Variants in GKAP1 observed in about 807,000 individuals in gnomAD.
The protein encoded by GKAP1 is G kinase anchoring protein 1.
Under a neutral mutation model 56.7 loss-of-function variants are expected in GKAP1, and 31 were observed. That is an observed-to-expected ratio of 0.55 (90% CI 0.41 to 0.74). GKAP1 has a LOEUF of 0.74. GKAP1 is among the 30% of genes least tolerant of loss of function. The pLI, the probability that GKAP1 is intolerant of heterozygous loss-of-function variation, is 0.00. For missense variants in GKAP1, 364 were observed against 402.3 expected (o/e 0.90, Z 0.82); for synonymous variants, 151 against 138.6 (o/e 1.09, Z -0.63).
At chr9:83,739,895 T>C (rs2287373) in intron 12 of GKAP1, 151 bp from the exon 13 acceptor site, 331,583 of 571,470 alleles carry the variant, frequency 0.58, 98,494 homozygotes, top group Admixed American at 0.72. Flanking sequence ...CTACATACTG[T>C]TACATTATTT....
intron 7 of GKAP1, among the ~76,000 whole-genome samples, chr9:83,773,011 A>T (rs1489597309): frequency 6.6e-6 from 1 of 152,190 alleles, no homozygotes; most frequent in Non-Finnish European, 1.5e-5. Flanking sequence ...TTTGAAAAAC[A>T]ATTTGACAGA....
At chr9:83,746,224 C>G (rs1943291059) in intron 10 of GKAP1, among the ~76,000 whole-genome samples, 1 of 152,188 alleles carries the variant, frequency 6.6e-6, no homozygotes, top group South Asian at 2.1e-4. Flanking sequence ...TGTTTGACAA[C>G]TATTTTGTAA....
chr9:83,813,895 G>A (rs1944545835), intron 2 of GKAP1, among the ~76,000 whole-genome samples: 1 of 152,162 alleles, frequency 6.6e-6, no homozygotes, highest in African/African-American at 2.4e-5. Context: ...GAGCCCAGGA[G>A]TTCAAGATCA....
rs1944103693 is a variant in GKAP1, at chr9:83,788,629, C to T, written c.410G>A (p.Ser137Asn). 1 of 1,601,444 alleles carries T rather than the reference C, an allele frequency of 6.2e-7. No homozygotes were observed. Among genetic ancestry groups the T allele is most frequent in the Non-Finnish European group, 8.5e-7 (1 of 1,172,862 alleles). Residue 137 changes from serine to asparagine, a missense_variant, in exon 5 of 13, where the codon AGT becomes AAT. Physicochemically the swap from Ser to Asn is conservative, Grantham distance 46. Transcript: ENST00000376371. ...EADLEKALLLSKLEYEEHKKE... is the reference protein window; with the variant it reads ...EADLEKALLLNKLEYEEHKKE... ...TTTGTGCTCTTCATATTCTAGTTTA[C>T]TTAGTAACAATGCCTTCTCAAGATC...
rs187056457 is a variant in GKAP1 at position 83,792,855 on chromosome 9, T to C, written c.361-4177A>G. 2.3e-3 allele frequency: 578 copies of C among 248,014 alleles called. 1 individual carries two copies. The highest frequency in any genetic ancestry group is 9.9e-3 in the African/African-American group (430 of 43,252). The allele number at this position is 248,014 out of a possible 1,614,324, so 15.4% of individuals were successfully genotyped here. ...TTAAGTTTGCGAATGGGAAGTTCCT[T>C]ATTATTTTCTTTTTATTTATGGGAG... On this transcript the variant is annotated intron_variant, in intron 4 of 12. Transcript: ENST00000376371.
rs144883494 is a variant in GKAP1, at chr9:83,743,424, G to T, written c.905-824C>A. On this transcript the variant is annotated intron_variant, in intron 10 of 12. Transcript: ENST00000376371. ...AGCCTGGCCAACATGGCAAAATCCT[G>T]TCCCTAGTAAAAACACAAAAATTAG... 6.8e-3 allele frequency among the ~76,000 whole-genome samples: 1,037 copies of T among 151,988 alleles called. 16 individuals are homozygous for T. The highest frequency in any genetic ancestry group is 0.024 in the African/African-American group (993 of 41,430).
chr9:83,752,823 C>A (rs1210509124), intron 9 of GKAP1, among the ~76,000 whole-genome samples: 1 of 152,144 alleles, frequency 6.6e-6, no homozygotes, highest in Non-Finnish European at 1.5e-5. Flanking sequence ...GTAATCCCAG[C>A]ACTTTGGGAG....
At chr9:83,792,741 G>A (rs915294247) in intron 4 of GKAP1, among the ~76,000 whole-genome samples, 3 of 152,180 alleles carry the variant, frequency 2.0e-5, no homozygotes, top group African/African-American at 7.2e-5. Flanking sequence ...GTAAAAGAGA[G>A]AGGGAGACAG....
rs566694966 is a variant in GKAP1, at chr9:83,802,084, T to G, written c.217-2756A>C. Reference sequence around the variant, plus strand: ...ACAAAACACATACTAGAGTTGTAGCTCAGAATTTCTTTTAAAAACAATGGG... The same window carrying G: ...ACAAAACACATACTAGAGTTGTAGCGCAGAATTTCTTTTAAAAACAATGGG... On this transcript the variant is annotated intron_variant, in intron 3 of 12. Transcript: ENST00000376371. 2.0e-5 allele frequency among the ~76,000 whole-genome samples: 3 copies of G among 152,348 alleles called. No individual in the cohort carries two copies. The East Asian group carries it at 5.8e-4, about 29-fold the overall frequency.
chr9:83,780,317 A>T, intron 7 of GKAP1, 65 bp downstream of exon 7: 1 of 924,230 alleles, frequency 1.1e-6, no homozygotes. Flanking sequence ...ACTTACTGCT[A>T]AGTATTTAAG....
intron 9 of GKAP1, 110 bp from the exon 10 acceptor site, chr9:83,748,482 T>C: frequency 1.7e-6 from 1 of 602,136 alleles, no homozygotes. Context: ...AAGATATAAT[T>C]ACTTTAGAAA....
chr9:83,752,279 G>T (rs1396024794), intron 9 of GKAP1, among the ~76,000 whole-genome samples: 1 of 152,142 alleles, frequency 6.6e-6, no homozygotes, highest in East Asian at 1.9e-4. Context: ...GTGCGGGCAT[G>T]GTGGCACGTG....
At chr9:83,766,498 G>A (rs1023173163) in intron 8 of GKAP1, among the ~76,000 whole-genome samples, 3 of 152,178 alleles carry the variant, frequency 2.0e-5, no homozygotes, top group African/African-American at 7.2e-5. Context: ...TTTTCCATAA[G>A]AAACAGTGTT....
Position 83,742,532 on chromosome 9 carries a change from GA to G in GKAP1, c.972del (p.Gln325ArgfsTer2). 1 of 1,607,478 alleles carries G rather than the reference GA, an allele frequency of 6.2e-7. No individual in the cohort carries two copies. Among genetic ancestry groups the G allele is most frequent in the Non-Finnish European group, 8.5e-7 (1 of 1,175,124 alleles). Reference protein sequence around the residue: ...ESQSIKNELTIQVTSLHAALE... With the variant: ...ESQSIKNELTXQVTSLHAALE... ...ATGTATGCTCCACAGTTCCTTACCTGAATAGTGAGCTCATTCTTGATACTTT... is the reference window on the plus strand; with the variant it reads ...ATGTATGCTCCACAGTTCCTTACCTGATAGTGAGCTCATTCTTGATACTTT... On this transcript the variant is annotated frameshift_variant, in exon 11 of 13. Transcript: ENST00000376371. LOFTEE classifies it high-confidence loss of function.
intron 2 of GKAP1, among the ~76,000 whole-genome samples, chr9:83,815,034 T>G (rs368777885): frequency 5.3e-5 from 8 of 152,090 alleles, no homozygotes; most frequent in Middle Eastern, 3.2e-3. Context: ...TAGCTGGGCA[T>G]GGTGGCGCAC....
At chr9:83,745,866 T>C (rs552360682) in intron 10 of GKAP1, among the ~76,000 whole-genome samples, 24 of 152,030 alleles carry the variant, frequency 1.6e-4, no homozygotes, top group Admixed American at 3.9e-4. Flanking sequence ...TCTTGGCTCA[T>C]TGCAACCTCT....
chr9:83,739,904 T>A (rs912973285), intron 12 of GKAP1, among the ~76,000 whole-genome samples, 160 bp from the exon 13 acceptor site: 10 of 152,174 alleles, frequency 6.6e-5, no homozygotes, highest in Non-Finnish European at 1.3e-4. Context: ...GTTACATTAT[T>A]TTAATATGGT....
intron 12 of GKAP1, among the ~76,000 whole-genome samples, chr9:83,741,653 ACCTTATAAACAGGACAATTGT>A (rs1943211302): frequency 6.6e-6 from 1 of 152,148 alleles, no homozygotes; most frequent in Non-Finnish European, 1.5e-5. Context: ...CAAGTGATCA[ACCTTATAAACAGGACAATTGT>A]CCTTTTGTGC....
chr9:83,801,425 A>T (rs1426296874), intron 3 of GKAP1, among the ~76,000 whole-genome samples: 1 of 151,750 alleles, frequency 6.6e-6, no homozygotes, highest in Non-Finnish European at 1.5e-5. Context: ...CAGCCCTGAG[A>T]AACTAATAAA....
Sources: gnomAD v4.1 joint callset for allele counts (sites outside exome capture counted in the v4.1 genomes callset) on GRCh38, gnomAD v4.1.1 for gene constraint, MANE v1.5 for transcripts, NCBI Gene and HGNC (gene_info 2026-07-23, HGNC 2026-07-21) for gene names.